The following WDR35 variants were observed in gnomAD, a reference collection of about 807,000 sequenced individuals.
WDR35 encodes the protein WD repeat-containing protein 35.
Under a neutral mutation model 158.3 loss-of-function variants are expected in WDR35, and 118 were observed. That is an observed-to-expected ratio of 0.75 (90% CI 0.64 to 0.87). The LOEUF (loss-of-function observed/expected upper bound fraction) is 0.87. Ranked by LOEUF, WDR35 falls within the 40% of genes least tolerant of loss-of-function variation. WDR35 has a pLI of 0.00. For synonymous variants in WDR35, 448 were observed against 476.1 expected, an observed-to-expected ratio of 0.94 and a Z score of 0.77; for missense variants, 1,263 against 1,405.8, an observed-to-expected ratio of 0.90 and a Z score of 1.62.
intron 13 of WDR35, 43 bp from the exon 14 acceptor site, chr2:19,948,260 T>C (rs369926624): frequency 1.2e-5 from 19 of 1,542,136 alleles, no homozygotes; most frequent in African/African-American, 5.4e-5. Context: ...CAAACATTTA[T>C]TGAATAACTA....
At chr2:19,932,164 C>A in intron 23 of WDR35, 119 bp downstream of exon 23, 1 of 1,307,506 alleles carries the variant, frequency 7.6e-7, no homozygotes. Context: ...AGCAATAAAA[C>A]CAGAGTGGTT....
At chr2:19,933,368 T>C in intron 22 of WDR35, 33 bp downstream of exon 22, 1 of 1,565,516 alleles carries the variant, frequency 6.4e-7, no homozygotes, top group Non-Finnish European at 8.8e-7. Context: ...CCTAAGACAA[T>C]AAGCTGCACA....
chr2:19,958,649 G>A lies in WDR35; in HGVS notation c.1255+1905C>T, dbSNP rs373711369. On this transcript the variant is annotated intron_variant, in intron 11 of 26. Transcript: ENST00000281405. ...TGCATTCAATAAACATTTATTATGGGCCAAGGCAGTGTTAGGTCATGGGGA... is the reference window on the plus strand; with the variant it reads ...TGCATTCAATAAACATTTATTATGGACCAAGGCAGTGTTAGGTCATGGGGA... Among the ~76,000 whole-genome samples, 21 of 152,206 alleles carry A rather than the reference G, an allele frequency of 1.4e-4. No individual in the cohort carries two copies. In the East Asian group the frequency reaches 4.1e-3, roughly 29 times the overall value.
chr2:19,978,195 G>C (rs201502557), intron 5 of WDR35, among the ~76,000 whole-genome samples: 7 of 146,806 alleles, frequency 4.8e-5, no homozygotes, highest in African/African-American at 1.2e-4. Flanking sequence ...CACACACACA[G>C]ACACACACAC....
chr2:19,973,883 G>A (rs917340696), intron 7 of WDR35, among the ~76,000 whole-genome samples, 175 bp from the exon 8 acceptor site: 6 of 152,054 alleles, frequency 3.9e-5, no homozygotes, highest in African/African-American at 1.4e-4. Context: ...TGAGGCGGGC[G>A]GATCACTTGA....
intron 13 of WDR35, among the ~76,000 whole-genome samples, chr2:19,949,299 T>C (rs184396824): frequency 6.4e-4 from 98 of 152,328 alleles, no homozygotes; most frequent in African/African-American, 2.1e-3. Context: ...GGAGTAGTTG[T>C]GGCTATTTAT....
chr2:19,940,937 T>C (rs1670853014), intron 17 of WDR35, among the ~76,000 whole-genome samples: 1 of 152,152 alleles, frequency 6.6e-6, no homozygotes, highest in African/African-American at 2.4e-5. Context: ...AAACCAAATT[T>C]TGGGTGGGGG....
chr2:19,946,023 G>GA (rs1445835388), intron 15 of WDR35, 27 bp from the exon 16 acceptor site: 8 of 1,602,630 alleles, frequency 5.0e-6, no homozygotes, highest in South Asian at 4.4e-5. Flanking sequence ...TAGAGAAAAG[G>GA]AAAAAACTAT....
rs1317222318 is a variant in WDR35 at position 19,975,661 on chromosome 2, T to C, written c.439A>G (p.Asn147Asp). The change falls in exon 6 of 27, where the codon AAT becomes GAT. Residue 147 changes from asparagine to aspartate, a missense_variant and splice_region_variant. By Grantham distance (23) the Asn-to-Asp change is conservative. Transcript: ENST00000281405. ...GAVIVGSVDG[N>D]RIWGKDLKGI... Reference sequence around the variant, plus strand: ...TTCAGGTCTTTTCCCCAAATACGATTGCCTAAAACAAAACATTATTAAAAG... The same window carrying C: ...TTCAGGTCTTTTCCCCAAATACGATCGCCTAAAACAAAACATTATTAAAAG... The C allele has an allele frequency of 6.2e-7, 1 of 1,614,024 alleles. No individual in the cohort carries two copies. The highest frequency in any genetic ancestry group is 8.5e-7 in the Non-Finnish European group (1 of 1,179,934).
intron 25 of WDR35, among the ~76,000 whole-genome samples, chr2:19,919,462 A>C (rs1670100975): frequency 6.6e-6 from 1 of 152,078 alleles, no homozygotes; most frequent in Admixed American, 6.5e-5. Context: ...CTGGAAACTG[A>C]ACAACCTTCT....
chr2:19,971,732 G>C (rs899682919), intron 8 of WDR35, among the ~76,000 whole-genome samples: 1 of 152,146 alleles, frequency 6.6e-6, no homozygotes, highest in African/African-American at 2.4e-5. Context: ...GCCCTCTACA[G>C]TACTCTTGGT....
intron 16 of WDR35, among the ~76,000 whole-genome samples, chr2:19,943,659 G>A (rs1485057432): frequency 6.6e-6 from 1 of 151,928 alleles, no homozygotes; most frequent in East Asian, 1.9e-4. Flanking sequence ...GAAATTATGA[G>A]ATATGAAAGA....
chr2:19,968,936 C>G (rs1671942600), intron 9 of WDR35, among the ~76,000 whole-genome samples: 1 of 152,226 alleles, frequency 6.6e-6, no homozygotes, highest in South Asian at 2.1e-4. Flanking sequence ...CCTGGGCTAC[C>G]TGGCCATCTG....
chr2:19,922,920 G>T (rs1670223568), intron 25 of WDR35, among the ~76,000 whole-genome samples: 2 of 152,152 alleles, frequency 1.3e-5, no homozygotes, highest in Admixed American at 1.3e-4. Context: ...GCAGAAAACT[G>T]CTTAAAGGAG....
At chr2:19,943,474 T>C (rs549309478) in intron 16 of WDR35, among the ~76,000 whole-genome samples, 1 of 152,276 alleles carries the variant, frequency 6.6e-6, no homozygotes, top group South Asian at 2.1e-4. Context: ...TGTCATCCAG[T>C]ATAATTTATT....
rs1671035016 is a variant in WDR35, at chr2:19,945,960, A to C, written c.1671T>G (p.Thr557=). ...LAIIDISGVL[T]FFDLDARVTD... is the part of the protein sequence containing the mutation. The stretch of plus-strand genomic sequence containing the variant: ...TTACTCGAGCATCCAAGTCAAAGAA[A>C]GTCAGAACTCCTGAGATGTCTATGA... Residue 557 remains threonine (T), a synonymous_variant, in exon 16 of 27, where the codon ACT becomes ACG. Coordinates refer to ENST00000281405, the MANE Select transcript of WDR35 (RefSeq NM_020779.4). The C allele has an allele frequency of 1.2e-6, 2 of 1,613,836 alleles. No individual in the cohort carries two copies. The highest frequency in any genetic ancestry group is 2.2e-5 in the South Asian group (2 of 91,070).
chr2:19,937,950 T>C lies in WDR35; in HGVS notation c.2064-4A>G, dbSNP rs1670755286. The C allele has an allele frequency of 6.2e-7, 1 of 1,613,986 alleles. No homozygotes were observed. Among genetic ancestry groups the C allele is most frequent in the Non-Finnish European group, 8.5e-7 (1 of 1,179,990 alleles). ...AGCTGCTTCAGCCAGTAGGCGCCTT[T>C]ATTTTAAAAGAAACAAAAACATAAG... On this transcript the variant is annotated splice_region_variant and splice_polypyrimidine_tract_variant and intron_variant, in intron 18 of 26. Coordinates refer to ENST00000281405, the MANE Select transcript of WDR35 (RefSeq NM_020779.4).
intron 17 of WDR35, among the ~76,000 whole-genome samples, chr2:19,941,281 T>C (rs777189802): frequency 2.6e-5 from 4 of 152,060 alleles, no homozygotes; most frequent in Non-Finnish European, 4.4e-5. Flanking sequence ...AAAAGGATTA[T>C]TTTACAAAAC....
At chr2:19,976,884 A>G (rs1672235552) in intron 5 of WDR35, among the ~76,000 whole-genome samples, 1 of 151,692 alleles carries the variant, frequency 6.6e-6, no homozygotes, top group Admixed American at 6.6e-5. Flanking sequence ...TAGTGGTAAG[A>G]TGATGGCTCA....
Sources: allele counts gnomAD v4.1 joint callset (sites outside exome capture counted in the v4.1 genomes callset), GRCh38; gene constraint gnomAD v4.1.1; transcripts MANE v1.5; gene names NCBI Gene and HGNC (gene_info 2026-07-23, HGNC 2026-07-21).